GRIK2: variants seen among roughly 807,000 people sequenced by gnomAD.
The protein encoded by GRIK2 is glutamate receptor ionotropic, kainate 2.
In GRIK2, 32 loss-of-function variants were observed where a neutral mutation model predicts 100.3. The observed-to-expected ratio is 0.32, with a 90% CI of 0.24 to 0.43. The LOEUF is 0.43. Ranked by LOEUF, GRIK2 falls within the 20% of genes least tolerant of loss-of-function variation. The probability of loss-of-function intolerance (pLI) is 1.00; values close to 1 mark genes in which losing one functional copy is unlikely to be tolerated. For missense variants in GRIK2, 843 were observed against 1,114.9 expected (o/e 0.76, Z 3.47); for synonymous variants, 417 against 389.4 (o/e 1.07, Z -0.83).
chr6:101,511,952 A>G (rs868458569), intron 2 of GRIK2, among the ~76,000 whole-genome samples: 49 of 152,064 alleles, frequency 3.2e-4, no homozygotes, highest in Non-Finnish European at 1.5e-5. Context: ...GAGATACCCA[A>G]TGGAAACAGC....
chr6:101,604,286 T>A (rs1461217166), intron 2 of GRIK2, among the ~76,000 whole-genome samples: 8 of 151,688 alleles, frequency 5.3e-5, no homozygotes, highest in Non-Finnish European at 8.8e-5. Context: ...ATATAACATA[T>A]AATATATAAT....
chr6:101,597,440 T>C (rs1386353533), intron 2 of GRIK2, among the ~76,000 whole-genome samples: 1 of 151,722 alleles, frequency 6.6e-6, no homozygotes, highest in African/African-American at 2.4e-5. Flanking sequence ...AACTTAAGTT[T>C]TGTGTTGATT....
intron 2 of GRIK2, among the ~76,000 whole-genome samples, chr6:101,528,851 C>CAGACTCATAGCATTCTTTTGGTTAAG (rs1184275374): frequency 6.6e-6 from 1 of 152,100 alleles, no homozygotes; most frequent in Non-Finnish European, 1.5e-5. Context: ...GATGATACTA[C>CAGACTCATAGCATTCTTTTGGTTAAG]AGACTCATAG....
intron 6 of GRIK2, among the ~76,000 whole-genome samples, chr6:101,685,051 G>T (rs1252788889): frequency 6.6e-6 from 1 of 152,038 alleles, no homozygotes; most frequent in Non-Finnish European, 1.5e-5. Context: ...CATGTTCTGA[G>T]CCTCATCACA....
intron 15 of GRIK2, among the ~76,000 whole-genome samples, chr6:102,052,562 T>G (rs1004555547): frequency 3.3e-5 from 5 of 152,194 alleles, no homozygotes; most frequent in African/African-American, 4.8e-5. Flanking sequence ...ATTTTGTTCT[T>G]GAGAATGTAA....
rs973833790 is a variant in GRIK2, at chr6:101,591,549, A to G, written c.116-30400A>G. Reference sequence around the variant, plus strand: ...TCTCTCATTTTCTTCTCTCAAGACTATTTTTTTCTTTTCACATATTTAAAA... The same window carrying G: ...TCTCTCATTTTCTTCTCTCAAGACTGTTTTTTTCTTTTCACATATTTAAAA... On this transcript the variant is annotated intron_variant, in intron 2 of 16. Coordinates refer to ENST00000369134, the MANE Select transcript of GRIK2 (RefSeq NM_021956.5). Among the ~76,000 whole-genome samples, 3 of 151,910 alleles carry G rather than the reference A, an allele frequency of 2.0e-5. No homozygotes were observed. In the East Asian group the frequency reaches 5.8e-4, roughly 30 times the overall value.
intron 2 of GRIK2, among the ~76,000 whole-genome samples, chr6:101,505,405 A>G (rs547291322): frequency 2.0e-5 from 3 of 152,212 alleles, no homozygotes; most frequent in East Asian, 1.9e-4. Context: ...GTGTTTTCAC[A>G]TATTGACTCA....
intron 14 of GRIK2, among the ~76,000 whole-genome samples, chr6:101,942,253 G>T (rs949093688): frequency 7.2e-5 from 11 of 152,104 alleles, no homozygotes; most frequent in Non-Finnish European, 1.2e-4. Context: ...AATCATGGGG[G>T]CATTTTCTAA....
At chr6:101,773,113 T>C (rs1778507443) in intron 7 of GRIK2, among the ~76,000 whole-genome samples, 1 of 152,152 alleles carries the variant, frequency 6.6e-6, no homozygotes, top group African/African-American at 2.4e-5. Context: ...AGCAGAGGCA[T>C]TTCCTCATGG....
chr6:101,703,791 G>A (rs1181767891), intron 7 of GRIK2, among the ~76,000 whole-genome samples: 6 of 151,458 alleles, frequency 4.0e-5, no homozygotes, highest in African/African-American at 1.5e-4. Context: ...ACACTTAGAG[G>A]GAGTTAGTCT....
intron 14 of GRIK2, among the ~76,000 whole-genome samples, chr6:102,020,417 G>A (rs2114360764): frequency 6.6e-6 from 1 of 151,904 alleles, no homozygotes; most frequent in South Asian, 2.1e-4. Flanking sequence ...AGCAGAGTGA[G>A]GCTCAGTAGG....
At chr6:101,901,477 T>C (rs1787843776) in intron 12 of GRIK2, among the ~76,000 whole-genome samples, 1 of 149,894 alleles carries the variant, frequency 6.7e-6, no homozygotes, top group Non-Finnish European at 1.5e-5. Flanking sequence ...AAATGATCAA[T>C]AGATGATTAT....
intron 11 of GRIK2, among the ~76,000 whole-genome samples, chr6:101,874,200 G>T (rs1785641616): frequency 6.6e-6 from 1 of 152,030 alleles, no homozygotes; most frequent in Non-Finnish European, 1.5e-5. Flanking sequence ...GTATTGCCTA[G>T]GTTTTCTTCT....
chr6:101,673,066 T>C (rs959900495), intron 4 of GRIK2, among the ~76,000 whole-genome samples: 1 of 152,202 alleles, frequency 6.6e-6, no homozygotes, highest in Non-Finnish European at 1.5e-5. Context: ...ACTTTTTGAC[T>C]TTTTAATAAT....
chr6:101,906,382 G>GTGTGTGTGTGTGTGTGTT (rs1344025728), intron 12 of GRIK2, among the ~76,000 whole-genome samples: 3 of 151,692 alleles, frequency 2.0e-5, no homozygotes, highest in Admixed American at 1.3e-4. Context: ...GTGTGTGTGT[G>GTGTGTGTGTGTGTGTGTT]TGTTTGTGTG....
At chr6:101,754,475 T>C (rs932041326) in intron 7 of GRIK2, among the ~76,000 whole-genome samples, 1 of 152,218 alleles carries the variant, frequency 6.6e-6, no homozygotes, top group African/African-American at 2.4e-5. Flanking sequence ...TTTGGGGCAT[T>C]TCAATTATCT....
chr6:101,955,576 T>TTTCTCTCTCTCTCTCTC (rs1491467842), intron 14 of GRIK2, among the ~76,000 whole-genome samples: 3 of 116,346 alleles, frequency 2.6e-5, no homozygotes, highest in African/African-American at 1.1e-4. Flanking sequence ...GAGCAAGGCC[T>TTTCTCTCTCTCTCTCTC]TCTCTCTCTC....
intron 7 of GRIK2, among the ~76,000 whole-genome samples, chr6:101,769,039 T>C (rs927908572): frequency 2.6e-5 from 4 of 152,192 alleles, no homozygotes; most frequent in Non-Finnish European, 5.9e-5. Flanking sequence ...TTATTATTGC[T>C]CTGATTTTTT....
intron 2 of GRIK2, among the ~76,000 whole-genome samples, chr6:101,560,345 AGT>A (rs1776943875): frequency 6.6e-6 from 1 of 152,128 alleles, no homozygotes; most frequent in African/African-American, 2.4e-5. Flanking sequence ...GCAATTTTGT[AGT>A]TACTTTTATT....
Sources: allele counts gnomAD v4.1 joint callset (sites outside exome capture counted in the v4.1 genomes callset), GRCh38; gene constraint gnomAD v4.1.1; transcripts MANE v1.5; gene names NCBI Gene and HGNC (gene_info 2026-07-23, HGNC 2026-07-21).